Variants in CDH13 observed in about 807,000 individuals in gnomAD.
The protein encoded by CDH13 is cadherin 13, also known as cadherin-13.
Under a neutral mutation model 63.8 loss-of-function variants are expected in CDH13, and 24 were observed. The observed-to-expected ratio is 0.38, with a 90% confidence interval of 0.27 to 0.53. CDH13 has a LOEUF of 0.53. CDH13 is among the 20% of genes least tolerant of loss of function. The probability of loss-of-function intolerance (pLI) is 0.85; values close to 1 mark genes in which losing one functional copy is unlikely to be tolerated. For synonymous variants in CDH13, 503 were observed against 355.3 expected, an observed-to-expected ratio of 1.42 and a Z score of -4.67; for missense variants, 1,049 against 903.1, an observed-to-expected ratio of 1.16 and a Z score of -2.07.
At chr16:83,054,874 C>G (rs1263891894) in intron 3 of CDH13, among the ~76,000 whole-genome samples, 2 of 151,936 alleles carry the variant, frequency 1.3e-5, no homozygotes, top group Non-Finnish European at 2.9e-5. Flanking sequence ...ACAAAATTTA[C>G]AAAAACTAAG....
chr16:82,914,526 G>C (rs938993539), intron 2 of CDH13, among the ~76,000 whole-genome samples: 3 of 152,030 alleles, frequency 2.0e-5, no homozygotes, highest in Non-Finnish European at 2.9e-5. Flanking sequence ...AACCCTCTAA[G>C]GACCCAGACA....
intron 5 of CDH13, among the ~76,000 whole-genome samples, chr16:83,263,576 AC>A (rs1048868416): frequency 1.3e-4 from 20 of 152,174 alleles, no homozygotes; most frequent in East Asian, 3.8e-4. Context: ...TATAAAAAAA[AC>A]AAAACAAAAC....
intron 2 of CDH13, among the ~76,000 whole-genome samples, chr16:83,027,043 G>T (rs1049727819): frequency 6.6e-6 from 1 of 151,470 alleles, no homozygotes; most frequent in Admixed American, 6.6e-5. Flanking sequence ...GTCACTACGG[G>T]CCTCTTATCC....
chr16:83,654,305 G>C (rs1161335450), intron 8 of CDH13, among the ~76,000 whole-genome samples: 1 of 152,074 alleles, frequency 6.6e-6, no homozygotes, highest in Non-Finnish European at 1.5e-5. Flanking sequence ...TCTGGGGGAA[G>C]GGTCCCTCCT....
chr16:83,452,900 T>C lies in CDH13; in HGVS notation c.782-33577T>C, dbSNP rs117219864. Among the ~76,000 whole-genome samples, 20 of 152,254 alleles carry C rather than the reference T, an allele frequency of 1.3e-4. No homozygotes were observed. In the East Asian group the frequency reaches 3.7e-3, roughly 28 times the overall value. ...CCTTTTGTTCCAGGAACACCAGCAT[T>C]TCATTAGACTTAGACCCACTGTAAG... On this transcript the variant is annotated intron_variant, in intron 6 of 13. Transcript: ENST00000567109.
chr16:83,480,357 G>A (rs2073730190), intron 6 of CDH13, among the ~76,000 whole-genome samples: 1 of 152,158 alleles, frequency 6.6e-6, no homozygotes, highest in African/African-American at 2.4e-5. Flanking sequence ...GCCCAGAGAA[G>A]CCCAGCAGGT....
At chr16:83,034,822 C>T (rs1916699942) in intron 3 of CDH13, among the ~76,000 whole-genome samples, 1 of 152,164 alleles carries the variant, frequency 6.6e-6, no homozygotes, top group Non-Finnish European at 1.5e-5. Context: ...ATTGTTTGTA[C>T]CTCAAGTTTC....
chr16:82,680,951 A>G (rs771746518), intron 1 of CDH13, among the ~76,000 whole-genome samples: 14 of 152,236 alleles, frequency 9.2e-5, no homozygotes, highest in Non-Finnish European at 1.8e-4. Flanking sequence ...GTGGAAAGCC[A>G]GAGAAGAAAG....
chr16:83,425,467 C>G (rs991855662), intron 6 of CDH13, among the ~76,000 whole-genome samples: 2 of 152,256 alleles, frequency 1.3e-5, no homozygotes, highest in African/African-American at 2.4e-5. Context: ...AACAAGCTCC[C>G]TGCACTCAGG....
intron 7 of CDH13, among the ~76,000 whole-genome samples, chr16:83,518,473 T>G (rs1397940921): frequency 7.4e-6 from 1 of 135,814 alleles, no homozygotes; most frequent in Non-Finnish European, 1.6e-5. Flanking sequence ...TTTTGTTTTT[T>G]GTTTTTTGTT....
In CDH13 at chr16:83,622,056, TCATC is replaced by T. The variant is rs200434274; in HGVS notation, c.1101+19466_1101+19469del. Reference sequence around the variant, plus strand: ...ATGAGCAAAGAATAGATAAAAAAATTCATCCATATAAATAACTTTTCGAAAGCTA... The same window carrying T: ...ATGAGCAAAGAATAGATAAAAAAATTCATATAAATAACTTTTCGAAAGCTA... On this transcript the variant is annotated intron_variant, in intron 8 of 13. Transcript: ENST00000567109. Among the ~76,000 whole-genome samples, 1,512 of 152,318 alleles carry T rather than the reference TCATC, an allele frequency of 9.9e-3. 12 individuals carry two copies. Among genetic ancestry groups the T allele is most frequent in the South Asian group, 0.018 (86 of 4,820 alleles).
At chr16:82,766,672 A>G (rs190612668) in intron 1 of CDH13, among the ~76,000 whole-genome samples, 35 of 152,334 alleles carry the variant, frequency 2.3e-4, no homozygotes, top group African/African-American at 7.7e-4. Context: ...TGTCTTTACC[A>G]TATATCATTA....
chr16:82,677,149 T>A (rs972711662), intron 1 of CDH13, among the ~76,000 whole-genome samples: 1 of 152,198 alleles, frequency 6.6e-6, no homozygotes, highest in Non-Finnish European at 1.5e-5. Context: ...CCCAAAGTGG[T>A]GGAATTATAG....
chr16:83,431,316 T>A (rs570731294), intron 6 of CDH13, among the ~76,000 whole-genome samples: 8 of 152,038 alleles, frequency 5.3e-5, no homozygotes, highest in African/African-American at 1.9e-4. Flanking sequence ...CATAGTTGGC[T>A]GCGTTGAGGA....
At chr16:83,714,737 T>C (rs1297412521) in intron 10 of CDH13, among the ~76,000 whole-genome samples, 1 of 152,200 alleles carries the variant, frequency 6.6e-6, no homozygotes, top group Admixed American at 6.5e-5. Flanking sequence ...TGGATGTGTT[T>C]GTTTTACATT....
At chr16:83,402,171 G>A (rs930419603) in intron 6 of CDH13, among the ~76,000 whole-genome samples, 6 of 152,072 alleles carry the variant, frequency 3.9e-5, no homozygotes, top group African/African-American at 1.4e-4. Flanking sequence ...TATTATTGTT[G>A]TTATTATCAT....
chr16:83,357,119 TG>T (rs1296019680), intron 6 of CDH13, among the ~76,000 whole-genome samples: 1 of 152,148 alleles, frequency 6.6e-6, no homozygotes. Context: ...AAAAAAGGCC[TG>T]CTTTTCAGAA....
intron 2 of CDH13, among the ~76,000 whole-genome samples, chr16:82,965,908 A>G (rs1340198781): frequency 1.3e-5 from 2 of 152,218 alleles, no homozygotes; most frequent in Admixed American, 1.3e-4. Flanking sequence ...CAAAGTTGCA[A>G]TCTGGTAGCA....
intron 2 of CDH13, among the ~76,000 whole-genome samples, chr16:82,869,543 A>G (rs1247101772): frequency 6.6e-6 from 1 of 152,202 alleles, no homozygotes; most frequent in Non-Finnish European, 1.5e-5. Context: ...TTGAGCAAAA[A>G]GAACAAAATT....
Sources: gnomAD v4.1 joint callset for allele counts (sites outside exome capture counted in the v4.1 genomes callset) on GRCh38, gnomAD v4.1.1 for gene constraint, MANE v1.5 for transcripts, NCBI Gene and HGNC (gene_info 2026-07-23, HGNC 2026-07-21) for gene names.